The following MIR2052HG variants were observed in gnomAD, a reference collection of about 807,000 sequenced individuals.
The protein encoded by MIR2052HG is MIR2052 host gene.
At chr8:74,601,080 A>G (rs771794874) in intron 1 of MIR2052HG, among the ~76,000 whole-genome samples, 10 of 152,180 alleles carry the variant, frequency 6.6e-5, no homozygotes, top group Non-Finnish European at 1.2e-4. Flanking sequence ...GGATTCATAA[A>G]GTCTTGAGAA....
intron 2 of MIR2052HG, among the ~76,000 whole-genome samples, chr8:74,699,424 A>C (rs1374910441): frequency 6.6e-6 from 1 of 151,692 alleles, no homozygotes; most frequent in Non-Finnish European, 1.5e-5. Context: ...GTGTATATAT[A>C]TATATATATA....
At chr8:74,649,442 G>A (rs964729726) in intron 2 of MIR2052HG, among the ~76,000 whole-genome samples, 1 of 152,002 alleles carries the variant, frequency 6.6e-6, no homozygotes, top group Non-Finnish European at 1.5e-5. Context: ...GTTCTAAAAA[G>A]GAAATCTGAG....
At chr8:74,621,012 C>T (rs753423363) in intron 2 of MIR2052HG, among the ~76,000 whole-genome samples, 14 of 152,334 alleles carry the variant, frequency 9.2e-5, no homozygotes, top group Non-Finnish European at 1.5e-4. Context: ...TTCCACAGAT[C>T]TCTAGGGCAG....
intron 2 of MIR2052HG, among the ~76,000 whole-genome samples, chr8:74,684,976 C>T (rs1468274662): frequency 6.6e-6 from 1 of 152,080 alleles, no homozygotes; most frequent in Non-Finnish European, 1.5e-5. Flanking sequence ...ATTCTGAACT[C>T]TAGCCCCAAT....
At chr8:74,648,651 C>T (rs1808719459) in intron 2 of MIR2052HG, among the ~76,000 whole-genome samples, 1 of 152,142 alleles carries the variant, frequency 6.6e-6, no homozygotes, top group Non-Finnish European at 1.5e-5. Flanking sequence ...TACTCTTTCT[C>T]TTTATATCTC....
intron 4 of MIR2052HG, among the ~76,000 whole-genome samples, chr8:74,708,632 CTT>C (rs1228751256): frequency 6.6e-6 from 1 of 151,792 alleles, no homozygotes; most frequent in African/African-American, 2.4e-5. Context: ...CTAAACAAAA[CTT>C]AGTTGAACAT....
chr8:74,725,066 C>T (rs924689619), intron 4 of MIR2052HG, among the ~76,000 whole-genome samples: 1 of 151,144 alleles, frequency 6.6e-6, no homozygotes. Flanking sequence ...GGTGCAAGAA[C>T]AAAAGAAGAA....
chr8:74,645,598 C>A (rs1248116542), intron 2 of MIR2052HG, among the ~76,000 whole-genome samples: 1 of 152,174 alleles, frequency 6.6e-6, no homozygotes, highest in Non-Finnish European at 1.5e-5. Flanking sequence ...AAGATTAAAT[C>A]TGAGATCTGA....
chr8:74,673,884 T>TG (rs1809019270), intron 2 of MIR2052HG, among the ~76,000 whole-genome samples: 1 of 100,578 alleles, frequency 9.9e-6, no homozygotes, highest in Admixed American at 1.0e-4. Context: ...ACAGTATTTT[T>TG]TTGTATATAT....
At chr8:74,633,583 T>C (rs141055232) in intron 2 of MIR2052HG, among the ~76,000 whole-genome samples, 9 of 152,338 alleles carry the variant, frequency 5.9e-5, no homozygotes, top group Non-Finnish European at 1.3e-4. Flanking sequence ...TCTAGCATTG[T>C]CATGTCACTT....
intron 2 of MIR2052HG, among the ~76,000 whole-genome samples, chr8:74,624,767 A>G (rs1257185019): frequency 1.3e-5 from 2 of 152,208 alleles, no homozygotes; most frequent in African/African-American, 4.8e-5. Flanking sequence ...TAACACTTAA[A>G]TACTTTGAGG....
chr8:74,628,210 A>G (rs1329782963), intron 2 of MIR2052HG, among the ~76,000 whole-genome samples: 3 of 152,240 alleles, frequency 2.0e-5, no homozygotes, highest in Admixed American at 1.3e-4. Flanking sequence ...TGAGGGAAGC[A>G]TAATACCAAA....
At chr8:74,703,561 A>G (rs1809378631) in intron 3 of MIR2052HG, 2 of 417,350 alleles carry the variant, frequency 4.8e-6, no homozygotes, top group Non-Finnish European at 9.6e-6. Flanking sequence ...CCCCTTCATG[A>G]TGGGATTACT....
intron 2 of MIR2052HG, among the ~76,000 whole-genome samples, chr8:74,640,699 G>A (rs1331201487): frequency 6.6e-6 from 1 of 152,142 alleles, no homozygotes; most frequent in African/African-American, 2.4e-5. Context: ...ACCCCATCCA[G>A]GGAAAGAGAT....
intron 4 of MIR2052HG, among the ~76,000 whole-genome samples, chr8:74,736,760 CTGTT>C (rs1416304044): frequency 6.6e-6 from 1 of 152,200 alleles, no homozygotes; most frequent in Non-Finnish European, 1.5e-5. Context: ...ACTTTGCTCT[CTGTT>C]TGCTAAATCT....
intron 1 of MIR2052HG, among the ~76,000 whole-genome samples, chr8:74,603,053 A>G (rs952463240): frequency 1.3e-5 from 2 of 151,614 alleles, no homozygotes; most frequent in Admixed American, 6.6e-5. Context: ...AAAAAAAAAA[A>G]AAATCCCAGG....
At chr8:74,732,204 G>C (rs1346096) in intron 4 of MIR2052HG, among the ~76,000 whole-genome samples, 11 of 151,996 alleles carry the variant, frequency 7.2e-5, no homozygotes, top group Admixed American at 5.9e-4. Context: ...AGCTATTTGC[G>C]TGACATCTAC....
intron 4 of MIR2052HG, among the ~76,000 whole-genome samples, chr8:74,740,624 A>G (rs916157402): frequency 2.6e-5 from 4 of 152,220 alleles, no homozygotes; most frequent in Admixed American, 6.5e-5. Context: ...AGCCACTAGG[A>G]TAGAAACCTA....
intron 2 of MIR2052HG, among the ~76,000 whole-genome samples, chr8:74,639,866 T>C (rs1054935374): frequency 3.3e-5 from 5 of 152,128 alleles, no homozygotes; most frequent in African/African-American, 4.8e-5. Flanking sequence ...GATGTGGACA[T>C]TTGTATCCAT....
Sources: allele counts gnomAD v4.1 joint callset (sites outside exome capture counted in the v4.1 genomes callset), GRCh38; gene constraint gnomAD v4.1.1; transcripts MANE v1.5; gene names NCBI Gene and HGNC (gene_info 2026-07-23, HGNC 2026-07-21).